The following ELMO1 variants were observed in gnomAD, a reference collection of about 807,000 sequenced individuals.
ELMO1 encodes the protein engulfment and cell motility protein 1.
A neutral mutation model predicts 98.9 loss-of-function variants in ELMO1; 26 were observed. That is an observed-to-expected ratio of 0.26 (90% CI 0.19 to 0.36). The LOEUF (loss-of-function observed/expected upper bound fraction) is 0.36, where lower values mean the gene tolerates loss of function less well. Ranked by LOEUF, ELMO1 falls within the 10% of genes least tolerant of loss-of-function variation. ELMO1 has a pLI of 1.00. For missense variants in ELMO1, 627 were observed against 935.2 expected, an observed-to-expected ratio of 0.67 and a Z score of 4.30; for synonymous variants, 346 against 346.0, an observed-to-expected ratio of 1.00 and a Z score of 0.00.
chr7:36,925,398 C>G (rs1785487430), intron 16 of ELMO1, among the ~76,000 whole-genome samples: 1 of 152,196 alleles, frequency 6.6e-6, no homozygotes, highest in African/African-American at 2.4e-5. Flanking sequence ...TGTGCCGTGT[C>G]TGGCCTTGGC....
chr7:37,364,236 A>G (rs1801809115), intron 1 of ELMO1, among the ~76,000 whole-genome samples: 1 of 152,218 alleles, frequency 6.6e-6, no homozygotes, highest in Admixed American at 6.5e-5. Context: ...GTTTTCATCT[A>G]TGCCTTTATT....
chr7:37,388,435 A>G (rs987074229), intron 1 of ELMO1, among the ~76,000 whole-genome samples: 1 of 148,856 alleles, frequency 6.7e-6, no homozygotes, highest in African/African-American at 2.5e-5. Context: ...TGGTAATATT[A>G]TAATCATGTA....
intron 13 of ELMO1, among the ~76,000 whole-genome samples, chr7:37,200,585 A>T (rs1030121000): frequency 1.3e-5 from 2 of 152,208 alleles, no homozygotes; most frequent in Admixed American, 1.3e-4. Flanking sequence ...CAATCAGTGA[A>T]GTGTGCAACC....
At chr7:37,067,392 A>G (rs1251779895) in intron 15 of ELMO1, among the ~76,000 whole-genome samples, 1 of 152,234 alleles carries the variant, frequency 6.6e-6, no homozygotes, top group African/African-American at 2.4e-5. Flanking sequence ...TGAACAAAAT[A>G]TCTAAACGTA....
intron 2 of ELMO1, among the ~76,000 whole-genome samples, chr7:37,327,611 T>A (rs1214010819): frequency 2.6e-5 from 4 of 152,238 alleles, no homozygotes; most frequent in Non-Finnish European, 5.9e-5. Flanking sequence ...TTAGTTTTTT[T>A]ATTTTTTTCT....
chr7:37,421,403 ATTGCTTGCACCC>A, intron 1 of ELMO1, among the ~76,000 whole-genome samples: 2 of 152,332 alleles, frequency 1.3e-5, no homozygotes, highest in Admixed American at 1.3e-4. Flanking sequence ...AGGGCTCAAA[ATTGCTTGCACCC>A]TTCCGAAATA....
intron 2 of ELMO1, among the ~76,000 whole-genome samples, chr7:37,317,159 G>A (rs1460534474): frequency 6.6e-6 from 1 of 152,166 alleles, no homozygotes; most frequent in Admixed American, 6.5e-5. Flanking sequence ...ACCCTTGGAC[G>A]TGATGCTATC....
At chr7:37,089,195 A>G (rs898186399) in intron 15 of ELMO1, among the ~76,000 whole-genome samples, 1 of 152,122 alleles carries the variant, frequency 6.6e-6, no homozygotes, top group Non-Finnish European at 1.5e-5. Flanking sequence ...CATCTGTGTT[A>G]TTTTTACTTG....
intron 4 of ELMO1, among the ~76,000 whole-genome samples, chr7:37,308,817 G>C (rs1798744825): frequency 6.6e-6 from 1 of 152,194 alleles, no homozygotes; most frequent in Non-Finnish European, 1.5e-5. Context: ...CTTGCCAAAG[G>C]CTGGGGACAG....
intron 14 of ELMO1, among the ~76,000 whole-genome samples, chr7:37,126,312 T>C (rs1313982385): frequency 6.8e-6 from 1 of 146,092 alleles, no homozygotes; most frequent in Non-Finnish European, 1.5e-5. Context: ...TATATATATA[T>C]ATATATATAT....
intron 16 of ELMO1, among the ~76,000 whole-genome samples, chr7:36,910,736 T>C (rs898523761): frequency 5.3e-5 from 8 of 152,138 alleles, no homozygotes; most frequent in East Asian, 1.9e-4. Flanking sequence ...CGAGCTTTGA[T>C]AGGACCAGAT....
chr7:37,063,733 C>A (rs1002775442), intron 15 of ELMO1, among the ~76,000 whole-genome samples: 3 of 152,148 alleles, frequency 2.0e-5, no homozygotes, highest in Non-Finnish European at 4.4e-5. Context: ...CCTCCGCAGT[C>A]ACCCTTGAGC....
chr7:37,210,311 C>A (rs1280832014), intron 13 of ELMO1, among the ~76,000 whole-genome samples: 2 of 151,878 alleles, frequency 1.3e-5, no homozygotes, highest in Admixed American at 1.3e-4. Context: ...AGTAAAAGGG[C>A]TTGGTTAAAT....
rs543055654 is a variant in ELMO1, at chr7:36,971,654, G to A, written c.1437+41645C>T. On this transcript the variant is annotated intron_variant, in intron 16 of 21. Transcript: ENST00000310758. Reference sequence around the variant, plus strand: ...TATTTACTCACTAAATTTACTCTTTGAAATGTGTTTGGTCAGCTGTGCTTG... The same window carrying A: ...TATTTACTCACTAAATTTACTCTTTAAAATGTGTTTGGTCAGCTGTGCTTG... 2.6e-5 allele frequency among the ~76,000 whole-genome samples: 4 copies of A among 152,314 alleles called. No homozygotes were observed. The South Asian group carries it at 8.3e-4, about 32-fold the overall frequency.
intron 2 of ELMO1, among the ~76,000 whole-genome samples, chr7:37,319,308 C>T (rs1240882435): frequency 6.6e-6 from 1 of 152,206 alleles, no homozygotes; most frequent in Non-Finnish European, 1.5e-5. Context: ...GGCACCACTA[C>T]TGCCCAGGAG....
chr7:36,931,183 G>A (rs535735745), intron 16 of ELMO1, among the ~76,000 whole-genome samples: 24 of 152,310 alleles, frequency 1.6e-4, no homozygotes, highest in African/African-American at 5.3e-4. Flanking sequence ...GCAGCTTTTC[G>A]GGATTTATCC....
chr7:37,101,684 A>C (rs574350086), intron 14 of ELMO1, among the ~76,000 whole-genome samples: 2 of 151,934 alleles, frequency 1.3e-5, no homozygotes, highest in African/African-American at 4.8e-5. Flanking sequence ...AGCCTGCCTC[A>C]GTATCTTATC....
intron 16 of ELMO1, among the ~76,000 whole-genome samples, chr7:36,901,868 T>C (rs1562809840): frequency 6.6e-6 from 1 of 152,228 alleles, no homozygotes; most frequent in Non-Finnish European, 1.5e-5. Context: ...CTGGGTGTTT[T>C]ATAATACATG....
chr7:37,290,645 G>C (rs1797629017), intron 4 of ELMO1, among the ~76,000 whole-genome samples: 1 of 152,130 alleles, frequency 6.6e-6, no homozygotes, highest in Admixed American at 6.5e-5. Context: ...AAATGGTTAA[G>C]CTTTATTGAA....
Sources: allele counts gnomAD v4.1 joint callset (sites outside exome capture counted in the v4.1 genomes callset), GRCh38; gene constraint gnomAD v4.1.1; transcripts MANE v1.5; gene names NCBI Gene and HGNC (gene_info 2026-07-23, HGNC 2026-07-21).